Variants in NUDT12 observed in about 807,000 individuals in gnomAD.
NUDT12 encodes the protein NAD-capped RNA hydrolase NUDT12.
Under a neutral mutation model 45.7 loss-of-function variants are expected in NUDT12, and 42 were observed. The observed-to-expected ratio is 0.92, with a 90% CI of 0.72 to 1.19. NUDT12 has a LOEUF of 1.19. Among genes scored for constraint, NUDT12 ranks in the 50% most tolerant of loss-of-function variants. NUDT12 has a pLI of 0.00. For synonymous variants in NUDT12, 206 were observed against 179.7 expected (o/e 1.15, Z -1.17); for missense variants, 590 against 533.1 (o/e 1.11, Z -1.05).
rs1201910882 is a variant in NUDT12 at position 103,560,092 on chromosome 5, C to T, written c.157G>A (p.Ala53Thr). Residue 53 changes from alanine (A) to threonine (T), a missense_variant, in exon 2 of 7, where the codon GCG (alanine) becomes ACG (threonine). Ala to Thr is a moderately conservative substitution (Grantham distance 58, BLOSUM62 0). Coordinates refer to ENST00000230792, the MANE Select transcript of NUDT12 (RefSeq NM_031438.4). Reference sequence around the variant, plus strand: ...ATCTCTGGGTGCCCATTCCTTGCCGCATACATTAAAGCAGTCCAGCCATTT... The same window carrying T: ...ATCTCTGGGTGCCCATTCCTTGCCGTATACATTAAAGCAGTCCAGCCATTT... ...SENGWTALMYAARNGHPEIVQ... is the reference protein window; with the variant it reads ...SENGWTALMYTARNGHPEIVQ... The T allele has an allele frequency of 6.2e-7, 1 of 1,613,928 alleles. No individual in the cohort carries two copies. Among genetic ancestry groups the T allele is most frequent in the East Asian group, 2.2e-5 (1 of 44,854 alleles).
rs1031781618 is a variant in NUDT12, at chr5:103,550,235, A to G, written c.*626T>C. The G allele has an allele frequency of 2.0e-5, 3 of 152,210 alleles. No individual in the cohort carries two copies. The highest frequency in any genetic ancestry group is 2.1e-4 in the South Asian group (1 of 4,836). 9.4% of individuals were successfully genotyped at this position (152,210 alleles called of 1,614,324 possible). On this transcript the variant is annotated 3_prime_UTR_variant, in exon 7 of 7. Coordinates refer to ENST00000230792, the MANE Select transcript of NUDT12 (RefSeq NM_031438.4). ...ATGAGGGTGTGGTATTGAGATCACTATTAAATTATTAAATTAGAAAATTCT... is the reference window on the plus strand; with the variant it reads ...ATGAGGGTGTGGTATTGAGATCACTGTTAAATTATTAAATTAGAAAATTCT...
chr5:103,556,528 G>C (rs1379302723), intron 3 of NUDT12, among the ~76,000 whole-genome samples: 1 of 151,978 alleles, frequency 6.6e-6, no homozygotes, highest in East Asian at 1.9e-4. Flanking sequence ...AACTGTAGGA[G>C]GCTATCACCA....
chr5:103,558,086 T>C (rs1243602665), intron 3 of NUDT12, among the ~76,000 whole-genome samples: 1 of 152,030 alleles, frequency 6.6e-6, no homozygotes, highest in Non-Finnish European at 1.5e-5. Context: ...ATTCTTAATC[T>C]TTTCCTTCAT....
chr5:103,550,858 G>A lies in NUDT12; in HGVS notation c.*3C>T, dbSNP rs115844353. 8 of 1,583,200 alleles carry A rather than the reference G, an allele frequency of 5.1e-6. No homozygotes were observed. The highest frequency in any genetic ancestry group is 1.3e-5 in the African/African-American group (1 of 74,242). On this transcript the variant is annotated 3_prime_UTR_variant, in exon 7 of 7. Coordinates refer to ENST00000230792, the MANE Select transcript of NUDT12 (RefSeq NM_031438.4). ...AATAATACTCAAAGCTTAGTTCTTA[G>A]ATTTAGAGATTAGGATTTATTCTAA... is the stretch of plus-strand genomic sequence containing the variant.
chr5:103,552,628 T>A (rs1748692901), intron 5 of NUDT12, among the ~76,000 whole-genome samples: 2 of 152,182 alleles, frequency 1.3e-5, no homozygotes, highest in South Asian at 4.1e-4. Context: ...ACAATAAACT[T>A]TTCGTTTTTT....
chr5:103,558,363 T>C (rs1056076441), intron 3 of NUDT12, among the ~76,000 whole-genome samples: 1 of 152,108 alleles, frequency 6.6e-6, no homozygotes. Context: ...TGGGCACCTG[T>C]AATACTCAAT....
chr5:103,554,854 C>T lies in NUDT12; in HGVS notation c.965-1G>A. ...ATAACTTGCATGATTACTACTGGAT[C>T]TGTTGAAAAAAAAAATCAGATACAT... On this transcript the variant is annotated splice_acceptor_variant, in intron 4 of 6. Coordinates refer to ENST00000230792, the MANE Select transcript of NUDT12 (RefSeq NM_031438.4). LOFTEE classifies it high-confidence loss of function. 7.5e-7 allele frequency: 1 copy of T among 1,339,248 alleles called. No individual in the cohort carries two copies. Among genetic ancestry groups the T allele is most frequent in the Non-Finnish European group, 1.0e-6 (1 of 988,812 alleles). 83.0% of individuals were successfully genotyped at this position (1,339,248 alleles called of 1,614,324 possible).
At chr5:103,556,704 C>T (rs1748832748) in intron 3 of NUDT12, among the ~76,000 whole-genome samples, 1 of 151,964 alleles carries the variant, frequency 6.6e-6, no homozygotes, top group South Asian at 2.1e-4. Context: ...AATATATACA[C>T]TTTAGCTATA....
chr5:103,557,584 A>AAAAACAAAAC (rs58457307), intron 3 of NUDT12, among the ~76,000 whole-genome samples: 32 of 149,956 alleles, frequency 2.1e-4, no homozygotes, highest in Non-Finnish European at 4.2e-4. Context: ...AGATGCTTTA[A>AAAAACAAAAC]AAAACAAAAC....
At chr5:103,558,686 G>A (rs1748910105) in intron 3 of NUDT12, among the ~76,000 whole-genome samples, 193 bp downstream of exon 3, 1 of 152,068 alleles carries the variant, frequency 6.6e-6, no homozygotes, top group Admixed American at 6.6e-5. Context: ...AAATCAGTCT[G>A]GGCTGATTAG....
Position 103,558,973 on chromosome 5 carries a change from A to G in NUDT12, c.702T>C (p.Pro234=). ...LVAWFALGID[P]IAAEEFKQRH... is the part of the protein sequence containing the mutation. Reference sequence around the variant, plus strand: ...TTTGCTTGAATTCTTCAGCAGCAATAGGATCTATACCTAGAGCAAACCAGG... The same window carrying G: ...TTTGCTTGAATTCTTCAGCAGCAATGGGATCTATACCTAGAGCAAACCAGG... Residue 234 remains proline, a synonymous_variant, in exon 3 of 7, where the codon CCT becomes CCC. Transcript: ENST00000230792. The G allele has an allele frequency of 6.2e-7, 1 of 1,613,420 alleles. No individual in the cohort carries two copies. The highest frequency in any genetic ancestry group is 8.5e-7 in the Non-Finnish European group (1 of 1,179,570).
chr5:103,554,065 T>A (rs936849332), intron 5 of NUDT12, among the ~76,000 whole-genome samples: 2 of 152,080 alleles, frequency 1.3e-5, no homozygotes. Flanking sequence ...TGATACTATA[T>A]GTTTACTGTT....
In NUDT12 at chr5:103,559,439, C is replaced by T. The variant is rs769551284; in HGVS notation, c.236G>A (p.Arg79Lys). 17 of 1,546,616 alleles carry T rather than the reference C, an allele frequency of 1.1e-5. No individual in the cohort carries two copies. Among genetic ancestry groups the T allele is most frequent in the Non-Finnish European group, 1.4e-5 (16 of 1,149,660 alleles). ...TACAGCAATGTCCAGTGCAGTCTGCCTTGATTTATTGACAATTGATCTGTC... is the reference window on the plus strand; with the variant it reads ...TACAGCAATGTCCAGTGCAGTCTGCTTTGATTTATTGACAATTGATCTGTC... ...GCDRSIVNKSRQTALDIAVFW... is the reference protein window; with the variant it reads ...GCDRSIVNKSKQTALDIAVFW... The change falls in exon 3 of 7, where the codon AGG becomes AAG. Residue 79 changes from arginine (R) to lysine (K), a missense_variant. Physicochemically the swap from Arg to Lys is conservative, Grantham distance 26. Transcript: ENST00000230792.
intron 6 of NUDT12, 86 bp downstream of exon 6, chr5:103,552,131 G>T: frequency 9.5e-7 from 1 of 1,049,126 alleles, no homozygotes; most frequent in Non-Finnish European, 1.5e-6. Flanking sequence ...CATTCAACTT[G>T]CTGAAAATAT....
intron 3 of NUDT12, among the ~76,000 whole-genome samples, chr5:103,557,280 G>GGTATATGTATATATATATATATATAT (rs1491335747): frequency 1.7e-5 from 2 of 118,894 alleles, no homozygotes; most frequent in Non-Finnish European, 3.5e-5. Context: ...ATCTTAAAAT[G>GGTATATGTATATATATATATATATAT]ATATATATAT....
At chr5:103,561,385 G>A (rs2112460063) in intron 1 of NUDT12, among the ~76,000 whole-genome samples, 1 of 152,152 alleles carries the variant, frequency 6.6e-6, no homozygotes, top group African/African-American at 2.4e-5. Flanking sequence ...TCTCATTTTG[G>A]AGCTGTTCAC....
Position 103,560,097 on chromosome 5 carries a change from A to C in NUDT12, c.152T>G (p.Met51Arg). Residue 51 changes from methionine to arginine, a missense_variant, in exon 2 of 7, where the codon ATG becomes AGG. Coordinates refer to ENST00000230792, the MANE Select transcript of NUDT12 (RefSeq NM_031438.4). ...TGGGTGCCCATTCCTTGCCGCATAC[A>C]TTAAAGCAGTCCAGCCATTTTCAGA... is the stretch of plus-strand genomic sequence containing the variant. ...ETSENGWTAL[M>R]YAARNGHPEI... 1 of 1,614,026 alleles carries C rather than the reference A, an allele frequency of 6.2e-7. No homozygotes were observed. Among genetic ancestry groups the C allele is most frequent in the Non-Finnish European group, 8.5e-7 (1 of 1,179,908 alleles).
Position 103,559,270 on chromosome 5 carries a change from A to G in NUDT12, c.405T>C (p.Asn135=). ...TTTCTTTAGCTAGCAGCCAGTCAGA[A>G]TTATTTCTCTTTTCACTTTTCCGGT... ...LLDRKSEKRN[N]SDWLLAKESH... The change falls in exon 3 of 7, where the codon AAT becomes AAC. Residue 135 remains asparagine (N), a synonymous_variant. Transcript: ENST00000230792. 4 of 1,600,866 alleles carry G rather than the reference A, an allele frequency of 2.5e-6. No individual in the cohort carries two copies. Among genetic ancestry groups the G allele is most frequent in the Non-Finnish European group, 3.4e-6 (4 of 1,175,404 alleles).
chr5:103,560,168 C>G lies in NUDT12; in HGVS notation c.81G>C (p.Lys27Asn), dbSNP rs762784783. 6.2e-7 allele frequency: 1 copy of G among 1,613,746 alleles called. No individual in the cohort carries two copies. The highest frequency in any genetic ancestry group is 1.7e-5 in the Admixed American group (1 of 60,018). The part of the protein sequence containing the change: ...HCSAAEGDIA[K>N]LTGILSHSPS... ...GAGAATGACTGAGTATTCCTGTTAA[C>G]TTGGCAATATCTCCTTCAGCAGCTG... Residue 27 changes from lysine to asparagine, a missense_variant, in exon 2 of 7, where the codon AAG (lysine) becomes AAC (asparagine). Lys to Asn is a moderately conservative substitution (Grantham distance 94). Coordinates refer to ENST00000230792, the MANE Select transcript of NUDT12 (RefSeq NM_031438.4).
Sources: gnomAD v4.1 joint callset for allele counts (sites outside exome capture counted in the v4.1 genomes callset) on GRCh38, gnomAD v4.1.1 for gene constraint, MANE v1.5 for transcripts, NCBI Gene and HGNC (gene_info 2026-07-23, HGNC 2026-07-21) for gene names.